SLC4A5: variants seen among roughly 807,000 people sequenced by gnomAD.
SLC4A5 encodes solute carrier family 4 member 5, also known as electrogenic sodium bicarbonate cotransporter 4.
A neutral mutation model predicts 120.4 loss-of-function variants in SLC4A5; 96 were observed. The observed-to-expected ratio is 0.80, with a 90% CI of 0.68 to 0.94. The LOEUF (loss-of-function observed/expected upper bound fraction) is 0.94, where lower values mean the gene tolerates loss of function less well. Among genes scored for constraint, SLC4A5 ranks in the 40% least tolerant of loss-of-function variants. SLC4A5 has a pLI of 0.00. For synonymous variants in SLC4A5, 550 were observed against 571.1 expected, an observed-to-expected ratio of 0.96 and a Z score of 0.53; for missense variants, 1,259 against 1,459.5, an observed-to-expected ratio of 0.86 and a Z score of 2.24.
chr2:74,263,483 A>G (rs1671206275), intron 10 of SLC4A5, among the ~76,000 whole-genome samples: 1 of 152,200 alleles, frequency 6.6e-6, no homozygotes, highest in Non-Finnish European at 1.5e-5. Context: ...CAGGCTCAGT[A>G]GGGCTAGTGT....
At chr2:74,254,335 T>TC (rs1255533304) in intron 14 of SLC4A5, among the ~76,000 whole-genome samples, 2 of 152,186 alleles carry the variant, frequency 1.3e-5, no homozygotes, top group Non-Finnish European at 2.9e-5. Flanking sequence ...TTCCTCCTGC[T>TC]CCTCCTTAGC....
intron 5 of SLC4A5, among the ~76,000 whole-genome samples, chr2:74,327,487 G>A (rs190445457): frequency 1.8e-4 from 27 of 152,232 alleles, no homozygotes; most frequent in East Asian, 3.9e-4. Flanking sequence ...CCATTGCCTC[G>A]GGGCCCTGCA....
chr2:74,230,836 C>T (rs535953551), intron 25 of SLC4A5, among the ~76,000 whole-genome samples: 14 of 151,914 alleles, frequency 9.2e-5, no homozygotes, highest in African/African-American at 3.4e-4. Flanking sequence ...GACGGAGTTT[C>T]GCTCTTGCTG....
chr2:74,323,893 T>C (rs1466219092), intron 5 of SLC4A5, among the ~76,000 whole-genome samples: 1 of 152,198 alleles, frequency 6.6e-6, no homozygotes, highest in Non-Finnish European at 1.5e-5. Flanking sequence ...TAATTATTAC[T>C]ATCATTATTA....
chr2:74,313,092 C>A (rs186909104), intron 6 of SLC4A5, among the ~76,000 whole-genome samples: 1 of 148,576 alleles, frequency 6.7e-6, no homozygotes, highest in Admixed American at 6.7e-5. Context: ...GCTGTGTTGC[C>A]CAGGCTGGCC....
At chr2:74,307,460 G>A (rs1672679213) in intron 6 of SLC4A5, 4 of 627,408 alleles carry the variant, frequency 6.4e-6, no homozygotes, top group South Asian at 4.3e-5. Flanking sequence ...TGACCTTGTG[G>A]AGCCCACGGA....
chr2:74,250,267 A>C, intron 17 of SLC4A5, 76 bp downstream of exon 17: 1 of 1,511,076 alleles, frequency 6.6e-7, no homozygotes, highest in Non-Finnish European at 9.0e-7. Context: ...TTTTGGGATT[A>C]CAGGATGAAG....
intron 7 of SLC4A5, among the ~76,000 whole-genome samples, chr2:74,299,123 G>A (rs1199636044): frequency 1.3e-5 from 2 of 151,044 alleles, no homozygotes; most frequent in African/African-American, 5.0e-5. Context: ...GGCCGAGGAA[G>A]GCAGATCACC....
chr2:74,295,268 G>A (rs1475281728), intron 7 of SLC4A5, among the ~76,000 whole-genome samples: 2 of 152,102 alleles, frequency 1.3e-5, no homozygotes, highest in Non-Finnish European at 2.9e-5. Flanking sequence ...TACAGAGGAA[G>A]GTGGCCAAGG....
At chr2:74,271,851 G>A (rs1000948217) in intron 8 of SLC4A5, among the ~76,000 whole-genome samples, 3 of 151,852 alleles carry the variant, frequency 2.0e-5, no homozygotes, top group Admixed American at 6.6e-5. Context: ...TAATCCCAGC[G>A]CTCTGGGAGG....
chr2:74,255,702 A>C lies in SLC4A5; in HGVS notation c.1025+73T>G. On this transcript the variant is annotated intron_variant, in intron 13 of 30. Coordinates refer to ENST00000394019, the Ensembl canonical transcript of SLC4A5. The surrounding 1 kb of genome is among the most constrained non-coding windows in gnomAD (Gnocchi z 4.0). ...GCCTTTGAGAACACTAACAGTCAAC[A>C]GCACTGCTTGCTGACTGCACTGCTG... is the stretch of plus-strand genomic sequence containing the variant. 6.4e-7 allele frequency: 1 copy of C among 1,571,622 alleles called. No individual in the cohort carries two copies. Among genetic ancestry groups the C allele is most frequent in the East Asian group, 2.3e-5 (1 of 44,310 alleles).
intron 24 of SLC4A5, among the ~76,000 whole-genome samples, chr2:74,231,518 G>A (rs983834886): frequency 6.6e-6 from 1 of 152,220 alleles, no homozygotes; most frequent in Non-Finnish European, 1.5e-5. Context: ...CATCTTGCAG[G>A]AGCATTGAGG....
At chr2:74,316,846 TAAG>T (rs1256790942) in intron 5 of SLC4A5, among the ~76,000 whole-genome samples, 3 of 152,198 alleles carry the variant, frequency 2.0e-5, no homozygotes, top group African/African-American at 2.4e-5. Context: ...TCCCTCCTGA[TAAG>T]AAGATCATGA....
intron 26 of SLC4A5, chr2:74,227,472 C>T (rs761309259): frequency 1.3e-6 from 2 of 1,586,612 alleles, no homozygotes; most frequent in African/African-American, 1.4e-5. Flanking sequence ...TTTTCTTCTG[C>T]ATAGCTGCCT....
chr2:74,221,786 G>T (rs72921311), intron 29 of SLC4A5, among the ~76,000 whole-genome samples: 19,088 of 152,074 alleles, frequency 0.13, 1,595 homozygotes, highest in East Asian at 0.34. Flanking sequence ...ACCTATGATG[G>T]ACAGTGCTGA....
At chr2:74,252,279 C>G in exon 16 of SLC4A5, 1 of 1,611,690 alleles carries the variant, frequency 6.2e-7, no homozygotes, top group Non-Finnish European at 8.5e-7. Flanking sequence ...CCAGCCCCGC[C>G]GCCACTGCCA....
chr2:74,221,136 C>G (rs2103865592), intron 30 of SLC4A5, among the ~76,000 whole-genome samples: 1 of 152,330 alleles, frequency 6.6e-6, no homozygotes, highest in Non-Finnish European at 1.5e-5. Flanking sequence ...AGGCACCGTG[C>G]TGGGCCACAA....
chr2:74,328,679 G>A (rs1388906739), intron 4 of SLC4A5, among the ~76,000 whole-genome samples: 2 of 152,142 alleles, frequency 1.3e-5, no homozygotes, highest in East Asian at 3.8e-4. Flanking sequence ...GTTATGTACT[G>A]GCATGACCCC....
At chr2:74,306,466 A>C (rs1672647852) in intron 6 of SLC4A5, among the ~76,000 whole-genome samples, 1 of 152,184 alleles carries the variant, frequency 6.6e-6, no homozygotes, top group Admixed American at 6.5e-5. Context: ...ATCGGCCAGA[A>C]ACCCCTCTCA....
Sources: gnomAD v4.1 joint callset for allele counts (sites outside exome capture counted in the v4.1 genomes callset) on GRCh38, gnomAD v4.1.1 for gene constraint, Gnocchi (gnomAD v3.1) non-coding constraint, MANE v1.5 for transcripts, NCBI Gene and HGNC (gene_info 2026-07-23, HGNC 2026-07-21) for gene names.